CALN1: variants seen among roughly 807,000 people sequenced by gnomAD.
CALN1 encodes calneuron 1.
CALN1 carries 17 observed loss-of-function variants against 30.6 expected under a neutral mutation model. The ratio of observed to expected loss-of-function variants is 0.56; its 90% CI spans 0.38 to 0.83. CALN1 has a LOEUF of 0.83. Among genes scored for constraint, CALN1 ranks in the 40% least tolerant of loss-of-function variants. CALN1 has a pLI of 0.00. For synonymous variants in CALN1, 156 were observed against 131.4 expected (o/e 1.19, Z -1.28); for missense variants, 291 against 354.9 (o/e 0.82, Z 1.45).
intron 3 of CALN1, among the ~76,000 whole-genome samples, chr7:72,257,903 G>C (rs1255245413): frequency 1.3e-5 from 2 of 152,142 alleles, no homozygotes; most frequent in Non-Finnish European, 2.9e-5. Context: ...TTCTAAGTGG[G>C]AGCTAAGCTA....
chr7:72,037,722 G>C (rs1157135694), intron 4 of CALN1, among the ~76,000 whole-genome samples: 1 of 151,378 alleles, frequency 6.6e-6, no homozygotes, highest in Non-Finnish European at 1.5e-5. Flanking sequence ...ACTAGTACAG[G>C]GTTGTGGGTG....
intron 5 of CALN1, among the ~76,000 whole-genome samples, chr7:71,985,597 T>C (rs965927066): frequency 1.4e-5 from 2 of 147,266 alleles, no homozygotes; most frequent in Admixed American, 6.8e-5. Flanking sequence ...TTTTTTTTTT[T>C]TTTTTTTTTT....
intron 2 of CALN1, among the ~76,000 whole-genome samples, chr7:72,400,558 T>C (rs1035251088): frequency 6.6e-6 from 1 of 152,146 alleles, no homozygotes; most frequent in African/African-American, 2.4e-5. Context: ...AGAGGCTACA[T>C]TACATGAGGC....
At chr7:71,809,163 C>G (rs1472689847) in intron 6 of CALN1, among the ~76,000 whole-genome samples, 2 of 152,158 alleles carry the variant, frequency 1.3e-5, no homozygotes, top group African/African-American at 4.8e-5. Context: ...ACAGACTCCA[C>G]TACTCCCTCT....
chr7:71,794,219 C>G (rs1461657538), intron 6 of CALN1, among the ~76,000 whole-genome samples: 1 of 152,080 alleles, frequency 6.6e-6, no homozygotes, highest in African/African-American at 2.4e-5. Flanking sequence ...CGCCCAGGTT[C>G]AAAACTTGTG....
intron 5 of CALN1, among the ~76,000 whole-genome samples, chr7:71,822,371 C>G (rs1312398058): frequency 1.3e-5 from 2 of 152,168 alleles, no homozygotes; most frequent in African/African-American, 4.8e-5. Flanking sequence ...GCCTCAGCCT[C>G]CCGAGTAGCT....
At chr7:72,238,205 G>A (rs895812006) in intron 3 of CALN1, among the ~76,000 whole-genome samples, 1 of 152,132 alleles carries the variant, frequency 6.6e-6, no homozygotes, top group African/African-American at 2.4e-5. Flanking sequence ...AGTATTCTAT[G>A]ATAGTTACAA....
Position 72,215,163 on chromosome 7 carries a change from G to A in CALN1, c.244+63523C>T, listed in dbSNP as rs1350234874. 2.0e-5 allele frequency among the ~76,000 whole-genome samples: 3 copies of A among 152,100 alleles called. No individual in the cohort carries two copies. The South Asian group carries it at 6.2e-4, about 32-fold the overall frequency. ...GGTGGCAAAAGGGCTGCGGACCACT[G>A]GTCTACATGCTAACATCAATGCATG... On this transcript the variant is annotated intron_variant, in intron 3 of 6. Coordinates refer to ENST00000395275, the MANE Select transcript of CALN1 (RefSeq NM_031468.4).
At chr7:72,344,029 AT>A (rs1802502161) in intron 2 of CALN1, among the ~76,000 whole-genome samples, 1 of 151,650 alleles carries the variant, frequency 6.6e-6, no homozygotes, top group Admixed American at 6.6e-5. Flanking sequence ...ATTTTTTTTT[AT>A]TTTTTAATTT....
intron 1 of CALN1, among the ~76,000 whole-genome samples, chr7:72,446,653 T>C (rs1403658581): frequency 6.6e-6 from 1 of 152,160 alleles, no homozygotes; most frequent in Non-Finnish European, 1.5e-5. Flanking sequence ...AGGGCACCGA[T>C]TTGACAGGCA....
chr7:72,249,576 C>CAGAT (rs10699280), intron 3 of CALN1, among the ~76,000 whole-genome samples: 54,103 of 151,788 alleles, frequency 0.36, 10,570 homozygotes, highest in Middle Eastern at 0.55. Flanking sequence ...CTGAGGCAGA[C>CAGAT]AGATCACTTG....
At chr7:72,182,391 G>A (rs1454967905) in intron 3 of CALN1, among the ~76,000 whole-genome samples, 1 of 152,158 alleles carries the variant, frequency 6.6e-6, no homozygotes, top group Non-Finnish European at 1.5e-5. Context: ...AAATCTGTAG[G>A]AAGGGAAATA....
At chr7:71,898,157 C>T (rs1793653512) in intron 5 of CALN1, among the ~76,000 whole-genome samples, 1 of 151,696 alleles carries the variant, frequency 6.6e-6, no homozygotes, top group Admixed American at 6.6e-5. Context: ...TGGTGAAACC[C>T]CGTCTCTACT....
intron 2 of CALN1, among the ~76,000 whole-genome samples, chr7:72,360,723 C>CTA (rs1374205702): frequency 1.3e-5 from 2 of 149,468 alleles, no homozygotes; most frequent in African/African-American, 4.9e-5. Context: ...CACGTGTACC[C>CTA]TAGAACTTAA....
rs1467403112 is a variant in CALN1 at position 71,834,339 on chromosome 7, G to T, written c.502-23847C>A. 3.7e-5 allele frequency among the ~76,000 whole-genome samples: 4 copies of T among 109,488 alleles called. No individual in the cohort carries two copies. The Admixed American group carries it at 4.7e-4, about 13-fold the overall frequency. The allele number at this position is 109,488 out of a possible 152,430, so 71.8% of individuals were successfully genotyped here. On this transcript the variant is annotated intron_variant, in intron 5 of 6. Coordinates refer to ENST00000395275, the MANE Select transcript of CALN1 (RefSeq NM_031468.4). ...CAGTCTCCCTTTTAAAGGTAATTAC[G>T]ATCCACCCTAAAAAAAAAAAAAAAA...
chr7:71,823,892 A>C (rs1030224046), intron 5 of CALN1, among the ~76,000 whole-genome samples: 2 of 152,116 alleles, frequency 1.3e-5, no homozygotes, highest in African/African-American at 4.8e-5. Flanking sequence ...AAGAGAGAGA[A>C]CTTGTGCAAA....
chr7:72,108,173 A>G (rs1002498495), intron 3 of CALN1, among the ~76,000 whole-genome samples: 1 of 152,206 alleles, frequency 6.6e-6, no homozygotes, highest in Non-Finnish European at 1.5e-5. Context: ...CTTGGCTTGC[A>G]GCCCCATCAC....
chr7:72,058,310 C>CT (rs3065011), intron 4 of CALN1, among the ~76,000 whole-genome samples: 8,628 of 70,304 alleles, frequency 0.12, 1,472 homozygotes, highest in Middle Eastern at 0.18. Context: ...AAGCTGGAAT[C>CT]TTTTTTTTTT....
At chr7:72,311,216 T>C (rs1800022900) in intron 2 of CALN1, among the ~76,000 whole-genome samples, 1 of 152,156 alleles carries the variant, frequency 6.6e-6, no homozygotes, top group East Asian at 1.9e-4. Flanking sequence ...AGATTTTCTC[T>C]TCTATATGGT....
Sources: gnomAD v4.1 joint callset for allele counts (sites outside exome capture counted in the v4.1 genomes callset) on GRCh38, gnomAD v4.1.1 for gene constraint, MANE v1.5 for transcripts, NCBI Gene and HGNC (gene_info 2026-07-23, HGNC 2026-07-21) for gene names.